The following OPHN1 variants were observed in gnomAD, a reference collection of about 807,000 sequenced individuals.
OPHN1 encodes the protein oligophrenin-1.
A neutral mutation model predicts 60.7 loss-of-function variants in OPHN1; 11 were observed. That is an observed-to-expected ratio of 0.18 (90% CI 0.11 to 0.30). OPHN1 has a LOEUF of 0.30. OPHN1 is among the 10% of genes least tolerant of loss of function. The pLI, the probability that OPHN1 is intolerant of heterozygous loss-of-function variation, is 1.00. For missense variants in OPHN1, 449 were observed against 611.0 expected (o/e 0.73, Z 2.80); for synonymous variants, 226 against 222.6 (o/e 1.02, Z -0.14).
At chrX:68,383,251 G>A (rs184307328) in intron 2 of OPHN1, among the ~76,000 whole-genome samples, 1 of 110,996 alleles carries the variant, frequency 9.0e-6, no homozygotes, top group Non-Finnish European at 1.9e-5. Flanking sequence ...AGTGCAGACT[G>A]CTAAGTCATC....
chrX:68,225,108 G>A (rs1003871811), intron 6 of OPHN1, among the ~76,000 whole-genome samples: 7 of 112,044 alleles, frequency 6.2e-5, no homozygotes, highest in African/African-American at 2.3e-4. Flanking sequence ...CCAAGCTCAC[G>A]GAGCCTCTCT....
At chrX:68,146,752 C>A (rs1364893303) in intron 15 of OPHN1, among the ~76,000 whole-genome samples, 2 of 112,138 alleles carry the variant, frequency 1.8e-5, no homozygotes, top group Non-Finnish European at 3.8e-5. Context: ...TTTACAAAGA[C>A]CTCAGATGCT....
rs1193430630 is a variant in OPHN1, at chrX:68,213,041, C to T, written c.597+821G>A. ...AAAAAGACATATAAATGATACACAA[C>T]ATATATTGGTGTAAATTTTCAACCC... is the stretch of plus-strand genomic sequence containing the variant. On this transcript the variant is annotated intron_variant, in intron 7 of 24. Coordinates refer to ENST00000355520, the MANE Select transcript of OPHN1 (RefSeq NM_002547.3). Among the ~76,000 whole-genome samples, 3 of 112,178 alleles carry T rather than the reference C, an allele frequency of 2.7e-5. No individual in the cohort carries two copies. In the South Asian group the frequency reaches 1.1e-3, roughly 41 times the overall value.
intron 2 of OPHN1, among the ~76,000 whole-genome samples, chrX:68,321,536 A>C (rs957249631): frequency 8.9e-6 from 1 of 111,779 alleles, no homozygotes; most frequent in Non-Finnish European, 1.9e-5. Flanking sequence ...CTTCCATTCT[A>C]CCCAAAGTAT....
intron 2 of OPHN1, chrX:68,336,522 T>C (rs1412543488): frequency 2.7e-5 from 3 of 109,784 alleles, no homozygotes; most frequent in African/African-American, 9.9e-5. Flanking sequence ...ACCATCATAC[T>C]CCAGCCTGGG....
intron 2 of OPHN1, among the ~76,000 whole-genome samples, chrX:68,385,877 AGT>A (rs1195918647): frequency 2.7e-5 from 3 of 112,318 alleles, no homozygotes; most frequent in African/African-American, 9.7e-5. Flanking sequence ...AGACTGGAAA[AGT>A]GTGCATAGAG....
intron 12 of OPHN1, among the ~76,000 whole-genome samples, chrX:68,196,808 C>A (rs1446216727): frequency 8.9e-6 from 1 of 112,014 alleles, no homozygotes; most frequent in African/African-American, 3.2e-5. Flanking sequence ...ATAACTATGG[C>A]AATTATTTTT....
chrX:68,241,917 A>G (rs5964656), intron 5 of OPHN1, among the ~76,000 whole-genome samples: 65,404 of 108,843 alleles, frequency 0.6, 17,279 homozygotes, highest in East Asian at 0.86. Flanking sequence ...GCAAAACTCC[A>G]TCTCAAAAAA....
intron 2 of OPHN1, among the ~76,000 whole-genome samples, chrX:68,364,012 T>C (rs1460624675): frequency 8.9e-6 from 1 of 112,031 alleles, no homozygotes; most frequent in Non-Finnish European, 1.9e-5. Context: ...GCCCAAAGAA[T>C]TCTTTGAGCA....
chrX:68,235,143 G>A (rs1461279877), intron 5 of OPHN1, among the ~76,000 whole-genome samples: 1 of 111,855 alleles, frequency 8.9e-6, no homozygotes, highest in Non-Finnish European at 1.9e-5. Flanking sequence ...AAAAATCCTG[G>A]AAAGTTTAAC....
intron 15 of OPHN1, among the ~76,000 whole-genome samples, chrX:68,154,894 C>CACACACAT: frequency 9.3e-6 from 1 of 107,819 alleles, no homozygotes; most frequent in Non-Finnish European, 1.9e-5. Flanking sequence ...CACACACACA[C>CACACACAT]ATAAACGGAG....
At chrX:68,218,752 C>T (rs1281859193) in intron 6 of OPHN1, among the ~76,000 whole-genome samples, 1 of 94,708 alleles carries the variant, frequency 1.1e-5, no homozygotes, top group Non-Finnish European at 2.1e-5. Context: ...CACCACCAGG[C>T]CTGCCTTACA....
chrX:68,090,722 C>T (rs2077014316), intron 19 of OPHN1, among the ~76,000 whole-genome samples: 1 of 111,157 alleles, frequency 9.0e-6, no homozygotes, highest in South Asian at 3.8e-4. Context: ...TGAGAATAAC[C>T]CAGCTTTCTC....
chrX:68,433,786 G>C (rs1408032279), upstream of OPHN1: 1 of 296,368 alleles, frequency 3.4e-6, no homozygotes, highest in African/African-American at 2.7e-5. Context: ...GGGAAGAGGA[G>C]GGCGAGAGCG....
chrX:68,327,797 T>TAA lies in OPHN1; in HGVS notation c.155-28703_155-28702dup, dbSNP rs35324033. On this transcript the variant is annotated intron_variant, in intron 2 of 24. Transcript: ENST00000355520. ...CAATAAAAATAAAAAATAAAAAAAA[T>TAA]AAAAAAAAAAAAAAAAAAAATTTTA... is the stretch of plus-strand genomic sequence containing the variant. Among the ~76,000 whole-genome samples, 9 of 67,367 alleles carry TAA rather than the reference T, an allele frequency of 1.3e-4. No homozygotes were observed. In the East Asian group the frequency reaches 3.1e-3, roughly 23 times the overall value. The allele number at this position is 67,367 out of a possible 115,157, so 58.5% of individuals were successfully genotyped here. A position where few individuals can be genotyped will look rare whatever the true frequency, so the allele number is the denominator to read the frequency against.
Position 68,078,698 on chromosome X carries a change from T to C in OPHN1, c.1687-5399A>G, listed in dbSNP as rs565266674. Among the ~76,000 whole-genome samples the C allele has an allele frequency of 6.3e-5, 7 of 111,140 alleles. 1 individual carries two copies. The highest frequency in any genetic ancestry group is 2.3e-4 in the African/African-American group (7 of 30,571). The stretch of plus-strand genomic sequence containing the variant: ...AAAAGGGAGGTCATTAGAAGTAAAC[T>C]TCTTCAGCTGGGCGCGGTGGCTCAT... On this transcript the variant is annotated intron_variant, in intron 19 of 24. Transcript: ENST00000355520.
At chrX:68,283,192 C>A (rs1252853861) in intron 3 of OPHN1, 75 bp from the exon 4 acceptor site, 1 of 879,593 alleles carries the variant, frequency 1.1e-6, no homozygotes, top group Non-Finnish European at 1.7e-6. Flanking sequence ...ATCTGTGCAA[C>A]AGGAAGTAGG....
intron 18 of OPHN1, among the ~76,000 whole-genome samples, chrX:68,107,389 A>G (rs1217062441): frequency 9.0e-6 from 1 of 111,663 alleles, no homozygotes; most frequent in African/African-American, 3.3e-5. Flanking sequence ...GTGTTTTTCT[A>G]TACTCTTTAT....
chrX:68,374,095 T>C (rs6625301), intron 2 of OPHN1, among the ~76,000 whole-genome samples: 18,906 of 110,867 alleles, frequency 0.17, 1,710 homozygotes, highest in African/African-American at 0.35. Flanking sequence ...CGGTGGCTCA[T>C]GCCTGTAATC....
Sources: gnomAD v4.1 joint callset for allele counts (sites outside exome capture counted in the v4.1 genomes callset) on GRCh38, gnomAD v4.1.1 for gene constraint, MANE v1.5 for transcripts, NCBI Gene and HGNC (gene_info 2026-07-23, HGNC 2026-07-21) for gene names.